The following KIF26B variants were observed in gnomAD, a reference collection of about 807,000 sequenced individuals.
KIF26B encodes the protein kinesin-like protein KIF26B.
A neutral mutation model predicts 151.2 loss-of-function variants in KIF26B; 63 were observed. The ratio of observed to expected loss-of-function variants is 0.42; its 90% CI spans 0.34 to 0.51. KIF26B has a LOEUF of 0.51. KIF26B is among the 20% of genes least tolerant of loss of function. The pLI, the probability that KIF26B is intolerant of heterozygous loss-of-function variation, is 0.07. For missense variants in KIF26B, 2,813 were observed against 2,913.6 expected (o/e 0.97, Z 0.79); for synonymous variants, 1,357 against 1,262.1 (o/e 1.08, Z -1.59).
At chr1:245,682,801 G>A (rs2044456327) in intron 10 of KIF26B, among the ~76,000 whole-genome samples, 1 of 152,232 alleles carries the variant, frequency 6.6e-6, no homozygotes, top group South Asian at 2.1e-4. Context: ...CAACGTCTCT[G>A]CTAAGAATGT....
rs546621984 is a variant in KIF26B, at chr1:245,700,404, T to A, written c.6178+1367T>A. Among the ~76,000 whole-genome samples the A allele has an allele frequency of 2.2e-4, 34 of 152,194 alleles. No homozygotes were observed. In the South Asian group the frequency reaches 6.9e-3, roughly 31 times the overall value. On this transcript the variant is annotated intron_variant, in intron 14 of 14. Coordinates refer to ENST00000407071, the MANE Select transcript of KIF26B (RefSeq NM_018012.4). ...TCCCAAAGTTCAACAACAGGAGACATTTCCTGGCCAGGCACGGTGGCTCAC... is the reference window on the plus strand; with the variant it reads ...TCCCAAAGTTCAACAACAGGAGACAATTCCTGGCCAGGCACGGTGGCTCAC...
rs1022587222 is a variant in KIF26B, at chr1:245,563,617, C to T, written c.1350+22667C>T. On this transcript the variant is annotated intron_variant, in intron 5 of 14. Coordinates refer to ENST00000407071, the MANE Select transcript of KIF26B (RefSeq NM_018012.4). This position sits in a 1 kb window ranked among gnomAD's most constrained non-coding sequence, Gnocchi z 4.6. ...TCCCACCTATGAAGCAGCCAGTGGC[C>T]TCGGGAGTGGGGCTGCTTGAGACTG... Among the ~76,000 whole-genome samples, 1 of 152,180 alleles carries T rather than the reference C, an allele frequency of 6.6e-6. No individual in the cohort carries two copies. Among genetic ancestry groups the T allele is most frequent in the Non-Finnish European group, 1.5e-5 (1 of 68,034 alleles).
intron 2 of KIF26B, among the ~76,000 whole-genome samples, chr1:245,269,914 C>T (rs2102962678): frequency 6.6e-6 from 1 of 152,266 alleles, no homozygotes; most frequent in South Asian, 2.1e-4. Context: ...CATGGGAATG[C>T]AAATATTTCT....
chr1:245,189,950 T>C (rs1669069801), intron 2 of KIF26B, among the ~76,000 whole-genome samples: 1 of 152,102 alleles, frequency 6.6e-6, no homozygotes, highest in Non-Finnish European at 1.5e-5. Flanking sequence ...TATGAGACCA[T>C]CAGATCTCGT....
At chr1:245,493,932 A>G (rs1424160704) in intron 4 of KIF26B, among the ~76,000 whole-genome samples, 1 of 152,222 alleles carries the variant, frequency 6.6e-6, no homozygotes, top group Non-Finnish European at 1.5e-5. Context: ...GCCAAATATT[A>G]GACTGTATAC....
At chr1:245,401,104 C>A (rs67018677) in intron 3 of KIF26B, among the ~76,000 whole-genome samples, 16,220 of 152,088 alleles carry the variant, frequency 0.11, 1,570 homozygotes, top group African/African-American at 0.26. Context: ...TTTAAAAATT[C>A]TAAGAAAATC....
intron 2 of KIF26B, among the ~76,000 whole-genome samples, chr1:245,351,685 G>C (rs1672572579): frequency 6.6e-6 from 1 of 152,182 alleles, no homozygotes. Context: ...TGTGACACTA[G>C]AAAAGGCAAA....
At chr1:245,673,025 C>CCCAGTCCCCGCTGG (rs1558262832) in intron 10 of KIF26B, among the ~76,000 whole-genome samples, 1 of 151,942 alleles carries the variant, frequency 6.6e-6, no homozygotes, top group Non-Finnish European at 1.5e-5. Context: ...GTCCCCACGG[C>CCCAGTCCCCGCTGG]GCGCTGCCAT....
chr1:245,490,232 C>A (rs1660374916), intron 4 of KIF26B, among the ~76,000 whole-genome samples: 1 of 151,786 alleles, frequency 6.6e-6, no homozygotes, highest in African/African-American at 2.4e-5. Context: ...TTACTAGTCC[C>A]ATATTAGATT....
intron 2 of KIF26B, among the ~76,000 whole-genome samples, chr1:245,333,294 G>T (rs1232367949): frequency 6.6e-6 from 1 of 152,210 alleles, no homozygotes; most frequent in Non-Finnish European, 1.5e-5. Context: ...ACACGCTACA[G>T]CCTGGATGAA....
chr1:245,614,837 T>C (rs2043568488), intron 9 of KIF26B: 1 of 152,130 alleles, frequency 6.6e-6, no homozygotes, highest in Non-Finnish European at 1.5e-5. Context: ...TAGAATCACG[T>C]TCTTAAAGAA....
At chr1:245,466,591 C>T (rs1489909223) in intron 4 of KIF26B, among the ~76,000 whole-genome samples, 1 of 152,228 alleles carries the variant, frequency 6.6e-6, no homozygotes, top group East Asian at 1.9e-4. Context: ...AGGATCTTGA[C>T]TTAAATACTT....
At chr1:245,281,550 T>C (rs1365958848) in intron 2 of KIF26B, among the ~76,000 whole-genome samples, 2 of 124,362 alleles carry the variant, frequency 1.6e-5, no homozygotes, top group Non-Finnish European at 3.3e-5. Context: ...TCCCATTTTG[T>C]AGGTTGCCTG....
chr1:245,200,945 T>C (rs1480803290), intron 2 of KIF26B, among the ~76,000 whole-genome samples: 1 of 152,240 alleles, frequency 6.6e-6, no homozygotes, highest in Non-Finnish European at 1.5e-5. Flanking sequence ...TTTATTCTTG[T>C]TTTGTAGAAA....
At chr1:245,160,200 A>G (rs927170164) in intron 2 of KIF26B, among the ~76,000 whole-genome samples, 1 of 152,148 alleles carries the variant, frequency 6.6e-6, no homozygotes, top group South Asian at 2.1e-4. Context: ...AGATTGTAAA[A>G]CACTCAGATT....
At chr1:245,586,649 C>T (rs2043227935) in intron 5 of KIF26B, among the ~76,000 whole-genome samples, 2 of 151,196 alleles carry the variant, frequency 1.3e-5, no homozygotes, top group South Asian at 2.1e-4. Context: ...TTTGGGAGGC[C>T]GAGGCGGGTG....
intron 3 of KIF26B, among the ~76,000 whole-genome samples, chr1:245,368,381 A>G (rs773021242): frequency 5.3e-5 from 8 of 152,172 alleles, no homozygotes; most frequent in Non-Finnish European, 1.0e-4. Flanking sequence ...TATCCCCTGC[A>G]TCAGGGGTGT....
rs558312335 is a variant in KIF26B, at chr1:245,470,720, A to G, written c.1166+50975A>G. Among the ~76,000 whole-genome samples, 18 of 152,102 alleles carry G rather than the reference A, an allele frequency of 1.2e-4. No individual in the cohort carries two copies. The South Asian group carries it at 1.2e-3, about 11-fold the overall frequency. On this transcript the variant is annotated intron_variant, in intron 4 of 14. Transcript: ENST00000407071. ...GCTGGGATTACAGGCGTGAGCCACC[A>G]CGCCCGGCCACCACTTTGACCCCTG...
chr1:245,489,736 G>A (rs1001012423), intron 4 of KIF26B, among the ~76,000 whole-genome samples: 1 of 152,196 alleles, frequency 6.6e-6, no homozygotes, highest in East Asian at 1.9e-4. Flanking sequence ...ATGTGATGTG[G>A]CTTAGATTAA....
Sources: gnomAD v4.1 joint callset for allele counts (sites outside exome capture counted in the v4.1 genomes callset) on GRCh38, gnomAD v4.1.1 for gene constraint, Gnocchi (gnomAD v3.1) non-coding constraint, MANE v1.5 for transcripts, NCBI Gene and HGNC (gene_info 2026-07-23, HGNC 2026-07-21) for gene names.